Variants in AGPS observed in about 807,000 individuals in gnomAD.
AGPS encodes the protein alkyldihydroxyacetonephosphate synthase, peroxisomal.
In AGPS, 26 loss-of-function variants were observed where a neutral mutation model predicts 90.7. The observed-to-expected ratio is 0.29, with a 90% CI of 0.21 to 0.40. The LOEUF (loss-of-function observed/expected upper bound fraction) is 0.40. AGPS is among the 10% of genes least tolerant of loss of function. AGPS has a pLI of 1.00. For missense variants in AGPS, 540 were observed against 816.1 expected (o/e 0.66, Z 4.12); for synonymous variants, 294 against 285.3 (o/e 1.03, Z -0.31).
intron 10 of AGPS, among the ~76,000 whole-genome samples, chr2:177,472,796 T>A (rs531395009): frequency 4.9e-4 from 75 of 152,288 alleles, no homozygotes; most frequent in African/African-American, 1.7e-3. Flanking sequence ...TTCTCTTTAT[T>A]ATTTTATTCT....
intron 9 of AGPS, among the ~76,000 whole-genome samples, chr2:177,466,674 C>T (rs962531180): frequency 6.6e-6 from 1 of 152,254 alleles, no homozygotes; most frequent in Non-Finnish European, 1.5e-5. Context: ...GTCAGCACTG[C>T]CCTGAGCATG....
At chr2:177,486,107 C>T (rs1688085404) in intron 11 of AGPS, among the ~76,000 whole-genome samples, 1 of 152,126 alleles carries the variant, frequency 6.6e-6, no homozygotes, top group Non-Finnish European at 1.5e-5. Flanking sequence ...ATATTATGGA[C>T]TAGAAAGTTT....
intron 11 of AGPS, among the ~76,000 whole-genome samples, chr2:177,485,853 G>C (rs1688077057): frequency 1.3e-5 from 2 of 152,158 alleles, no homozygotes; most frequent in Admixed American, 6.5e-5. Context: ...GGAGGTCGAG[G>C]CTGCTGTGAG....
intron 3 of AGPS, among the ~76,000 whole-genome samples, chr2:177,434,664 G>C (rs1023773201): frequency 1.3e-5 from 2 of 151,868 alleles, no homozygotes; most frequent in Non-Finnish European, 2.9e-5. Context: ...TCTGAGCCTT[G>C]GTTATTTTTA....
chr2:177,413,170 G>T (rs548333837), intron 1 of AGPS, among the ~76,000 whole-genome samples: 1 of 152,294 alleles, frequency 6.6e-6, no homozygotes, highest in South Asian at 2.1e-4. Context: ...AACAATTACG[G>T]TTTACAACAA....
intron 18 of AGPS, among the ~76,000 whole-genome samples, chr2:177,521,696 A>G (rs1018272764): frequency 6.6e-6 from 1 of 152,164 alleles, no homozygotes; most frequent in Admixed American, 6.5e-5. Flanking sequence ...TCATTTCCAC[A>G]TGGTGGTTGC....
chr2:177,538,250 T>TGG lies in AGPS; in HGVS notation c.*56_*57dup. On this transcript the variant is annotated 3_prime_UTR_variant, in exon 20 of 20. Transcript: ENST00000264167. ...AATTTTTTTTTTAAGTTTTCAACTG[T>TGG]GGTTATACTAGTAATCAAATATATC... 1 of 1,533,904 alleles carries TGG rather than the reference T, an allele frequency of 6.5e-7. No individual in the cohort carries two copies. Among genetic ancestry groups the TGG allele is most frequent in the Non-Finnish European group, 9.0e-7 (1 of 1,109,220 alleles).
At chr2:177,506,210 C>T (rs1225248632) in intron 15 of AGPS, among the ~76,000 whole-genome samples, 1 of 86,258 alleles carries the variant, frequency 1.2e-5, no homozygotes, top group Non-Finnish European at 2.3e-5. Context: ...TCTGCTGTTG[C>T]TGGGGTTACT....
intron 1 of AGPS, among the ~76,000 whole-genome samples, chr2:177,394,330 T>C (rs539434825): frequency 2.6e-5 from 4 of 152,378 alleles, no homozygotes; most frequent in African/African-American, 7.2e-5. Flanking sequence ...AGTGCAAAGA[T>C]GTTCCAAAGT....
In AGPS at chr2:177,505,573, C is replaced by T; in HGVS notation, c.1543C>T (p.Arg515Ter). Residue 515 changes from arginine (R) to a stop codon, truncating the protein, a stop_gained and splice_region_variant, in exon 15 of 20, where the codon CGA (arginine) becomes TGA (stop). Transcript: ENST00000264167. LOFTEE classifies it high-confidence loss of function. The part of the protein sequence containing the change: ...YLLTYVIAYI[R>*]DLALEYYVLG... Reference sequence around the variant, plus strand: ...GCTGACCTATGTTATTGCATACATTCGAGTAAGTTATATCATATTTCCCTT... The same window carrying T: ...GCTGACCTATGTTATTGCATACATTTGAGTAAGTTATATCATATTTCCCTT... 1 of 1,609,512 alleles carries T rather than the reference C, an allele frequency of 6.2e-7. No individual in the cohort carries two copies. Among genetic ancestry groups the T allele is most frequent in the Non-Finnish European group, 8.5e-7 (1 of 1,176,576 alleles).
At chr2:177,509,151 A>G (rs1230438734) in intron 16 of AGPS, among the ~76,000 whole-genome samples, 1 of 152,154 alleles carries the variant, frequency 6.6e-6, no homozygotes, top group Non-Finnish European at 1.5e-5. Flanking sequence ...TGCAGTCATC[A>G]TCTACTGAGT....
At chr2:177,523,367 A>AAGC (rs1357430939) in intron 18 of AGPS, among the ~76,000 whole-genome samples, 5 of 152,316 alleles carry the variant, frequency 3.3e-5, no homozygotes, top group African/African-American at 1.2e-4. Flanking sequence ...CACTTATAGG[A>AAGC]AGCAGTCAGT....
At chr2:177,528,277 T>A (rs2079107201) in intron 19 of AGPS, among the ~76,000 whole-genome samples, 1 of 152,206 alleles carries the variant, frequency 6.6e-6, no homozygotes, top group African/African-American at 2.4e-5. Flanking sequence ...TGTATTCTCA[T>A]TTCTCTTGCT....
intron 8 of AGPS, among the ~76,000 whole-genome samples, chr2:177,459,131 A>G (rs1393508569): frequency 6.6e-6 from 1 of 152,216 alleles, no homozygotes; most frequent in African/African-American, 2.4e-5. Context: ...CAGAAAACTG[A>G]AACTGGACCC....
intron 11 of AGPS, among the ~76,000 whole-genome samples, chr2:177,492,375 G>GCAT (rs1193504799): frequency 3.3e-5 from 5 of 152,232 alleles, no homozygotes; most frequent in Non-Finnish European, 5.9e-5. Flanking sequence ...AGAAGTCAAT[G>GCAT]TGCCCACTTT....
intron 19 of AGPS, among the ~76,000 whole-genome samples, chr2:177,524,840 A>G (rs1161828181): frequency 1.3e-5 from 2 of 152,178 alleles, no homozygotes; most frequent in Non-Finnish European, 2.9e-5. Context: ...TGAATGAAAG[A>G]ATTCTGTTGG....
chr2:177,463,323 T>C (rs1431082749), intron 9 of AGPS, among the ~76,000 whole-genome samples: 1 of 152,214 alleles, frequency 6.6e-6, no homozygotes, highest in Non-Finnish European at 1.5e-5. Context: ...CTGCATAGAA[T>C]TATTGTGAGG....
chr2:177,469,069 C>T (rs1311451682), intron 10 of AGPS, among the ~76,000 whole-genome samples: 1 of 151,950 alleles, frequency 6.6e-6, no homozygotes, highest in Admixed American at 6.6e-5. Flanking sequence ...TAGTTCATCT[C>T]GTCTAAAACA....
At chr2:177,437,668 G>T (rs1237344239) in intron 5 of AGPS, among the ~76,000 whole-genome samples, 1 of 152,100 alleles carries the variant, frequency 6.6e-6, no homozygotes, top group African/African-American at 2.4e-5. Flanking sequence ...TGGGTATATT[G>T]TTCCTTGCTG....
Sources: gnomAD v4.1 joint callset for allele counts (sites outside exome capture counted in the v4.1 genomes callset) on GRCh38, gnomAD v4.1.1 for gene constraint, MANE v1.5 for transcripts, NCBI Gene and HGNC (gene_info 2026-07-23, HGNC 2026-07-21) for gene names.